The following KIF26B variants were observed in gnomAD, a reference collection of about 807,000 sequenced individuals.
KIF26B encodes kinesin family member 26B, also known as kinesin-like protein KIF26B.
KIF26B carries 63 observed loss-of-function variants against 151.2 expected under a neutral mutation model. The ratio of observed to expected loss-of-function variants is 0.42; its 90% CI spans 0.34 to 0.51. The LOEUF (loss-of-function observed/expected upper bound fraction) is 0.51. Ranked by LOEUF, KIF26B falls within the 20% of genes least tolerant of loss-of-function variation. The pLI is 0.07. For synonymous variants in KIF26B, 1,357 were observed against 1,262.1 expected (o/e 1.08, Z -1.59); for missense variants, 2,813 against 2,913.6 (o/e 0.97, Z 0.79).
At chr1:245,415,788 CT>C (rs781545952) in intron 3 of KIF26B, among the ~76,000 whole-genome samples, 1,740 of 137,862 alleles carry the variant, frequency 0.013, 10 homozygotes, top group East Asian at 0.033. Flanking sequence ...TCAGCATCTA[CT>C]TTTTTTTTTT....
At chr1:245,673,533 C>A (rs971564337) in intron 10 of KIF26B, among the ~76,000 whole-genome samples, 1 of 152,212 alleles carries the variant, frequency 6.6e-6, no homozygotes, top group East Asian at 1.9e-4. Flanking sequence ...TTAGTAAACA[C>A]GTCTTTTTGA....
At chr1:245,493,031 G>A (rs35758268) in intron 4 of KIF26B, among the ~76,000 whole-genome samples, 5,513 of 152,098 alleles carry the variant, frequency 0.036, 139 homozygotes, top group Non-Finnish European at 0.05. Flanking sequence ...CACCTGCCTC[G>A]GCTTCCCAAA....
intron 4 of KIF26B, among the ~76,000 whole-genome samples, chr1:245,466,324 G>C (rs1252591397): frequency 6.6e-6 from 1 of 152,152 alleles, no homozygotes; most frequent in Non-Finnish European, 1.5e-5. Flanking sequence ...GCAAGCAGAC[G>C]CTTCTTTTCT....
In KIF26B at chr1:245,243,883, GA is replaced by G. The variant is rs1477809183; in HGVS notation, c.465+87203del. On this transcript the variant is annotated intron_variant, in intron 2 of 14. Transcript: ENST00000407071. ...TAAAAAAGAAGAAAAAGAAAGAAAG[GA>G]AAGGAAAGGAAAGGAAAAGAAAGAT... is the stretch of plus-strand genomic sequence containing the variant. 4.6e-3 allele frequency among the ~76,000 whole-genome samples: 3 copies of G among 646 alleles called. No homozygotes were observed. In the East Asian group the frequency reaches 0.19, roughly 40 times the overall value. 0.4% of individuals were successfully genotyped at this position (646 alleles called of 152,430 possible).
intron 5 of KIF26B, among the ~76,000 whole-genome samples, chr1:245,559,506 G>A (rs1051072482): frequency 2.0e-5 from 3 of 151,992 alleles, no homozygotes; most frequent in Non-Finnish European, 2.9e-5. Flanking sequence ...CCCACCTCCC[G>A]GGTTCAAGCG....
At chr1:245,277,867 G>T (rs1430917084) in intron 2 of KIF26B, among the ~76,000 whole-genome samples, 2 of 152,216 alleles carry the variant, frequency 1.3e-5, no homozygotes, top group East Asian at 3.9e-4. Context: ...CCACAAGGAG[G>T]TATGCTGCCC....
At chr1:245,603,882 C>A (rs1183590106) in intron 6 of KIF26B, among the ~76,000 whole-genome samples, 1 of 152,162 alleles carries the variant, frequency 6.6e-6, no homozygotes, top group African/African-American at 2.4e-5. Flanking sequence ...TATTAATCTA[C>A]TATGAGCATA....
intron 5 of KIF26B, among the ~76,000 whole-genome samples, chr1:245,545,983 T>G (rs1161442790): frequency 6.6e-6 from 1 of 151,864 alleles, no homozygotes; most frequent in Non-Finnish European, 1.5e-5. Context: ...TGCATCAACA[T>G]TTTTAAAAGT....
At chr1:245,416,103 G>GTA (rs1314781843) in intron 3 of KIF26B, among the ~76,000 whole-genome samples, 4 of 93,446 alleles carry the variant, frequency 4.3e-5, no homozygotes, top group Admixed American at 3.1e-4. Context: ...CCCGTCTCTA[G>GTA]TAAAAATACA....
chr1:245,688,876 C>G (rs1558274464), intron 12 of KIF26B, 69 bp downstream of exon 12: 8 of 1,481,006 alleles, frequency 5.4e-6, no homozygotes, highest in Non-Finnish European at 7.2e-6. Context: ...AACCCCACTG[C>G]CAGGGTGTCC....
At chr1:245,673,704 C>T (rs1310066575) in intron 10 of KIF26B, 1 of 152,216 alleles carries the variant, frequency 6.6e-6, no homozygotes, top group African/African-American at 2.4e-5. Context: ...GAAACACTCA[C>T]TCACACTCAT....
rs1445634938 is a variant in KIF26B, at chr1:245,706,954, A to T, written c.*4348A>T. Reference sequence around the variant, plus strand: ...ACCTCTTTTTCCACCTCCAGAAAGTATCTGTCAACATTGGTGGGTAACAGC... The same window carrying T: ...ACCTCTTTTTCCACCTCCAGAAAGTTTCTGTCAACATTGGTGGGTAACAGC... On this transcript the variant is annotated 3_prime_UTR_variant, in exon 15 of 15. Coordinates refer to ENST00000407071, the MANE Select transcript of KIF26B (RefSeq NM_018012.4). The T allele has an allele frequency of 1.3e-5, 2 of 152,246 alleles. No individual in the cohort carries two copies. Among genetic ancestry groups the T allele is most frequent in the African/African-American group, 4.8e-5 (2 of 41,456 alleles). 9.4% of individuals were successfully genotyped at this position (152,246 alleles called of 1,614,324 possible).
intron 2 of KIF26B, among the ~76,000 whole-genome samples, chr1:245,343,116 T>C (rs185808517): frequency 1.3e-5 from 2 of 151,440 alleles, no homozygotes; most frequent in Non-Finnish European, 2.9e-5. Context: ...TAGATTAGTG[T>C]TTATTTTGGA....
At chr1:245,556,704 T>TTTTGTTG (rs201702893) in intron 5 of KIF26B, among the ~76,000 whole-genome samples, 2 of 150,612 alleles carry the variant, frequency 1.3e-5, no homozygotes, top group Non-Finnish European at 3.0e-5. Flanking sequence ...ATCTGGTGTT[T>TTTTGTTG]TTGTTGTTGT....
At chr1:245,274,288 A>G (rs972029549) in intron 2 of KIF26B, among the ~76,000 whole-genome samples, 1 of 151,980 alleles carries the variant, frequency 6.6e-6, no homozygotes, top group East Asian at 1.9e-4. Context: ...GGTTTGTTTC[A>G]TAGGTATACA....
intron 2 of KIF26B, among the ~76,000 whole-genome samples, chr1:245,220,963 G>A (rs1333039983): frequency 6.6e-6 from 1 of 152,102 alleles, no homozygotes; most frequent in Non-Finnish European, 1.5e-5. Context: ...CAGGCCCCAG[G>A]GATTACAGTG....
chr1:245,167,120 T>C lies in KIF26B; in HGVS notation c.465+10437T>C, dbSNP rs1451099543. Reference sequence around the variant, plus strand: ...AAAAGTTATTGGAACAAATTTTAGCTCTCCACACAGCATGGTTCTAAAATC... The same window carrying C: ...AAAAGTTATTGGAACAAATTTTAGCCCTCCACACAGCATGGTTCTAAAATC... On this transcript the variant is annotated intron_variant, in intron 2 of 14. Transcript: ENST00000407071. The surrounding 1 kb of genome is among the most constrained non-coding windows in gnomAD (Gnocchi z 4.2). Among the ~76,000 whole-genome samples, 1 of 152,256 alleles carries C rather than the reference T, an allele frequency of 6.6e-6. No homozygotes were observed. The highest frequency in any genetic ancestry group is 1.9e-4 in the East Asian group (1 of 5,190).
chr1:245,370,746 C>T (rs1327593691), intron 3 of KIF26B: 2 of 417,022 alleles, frequency 4.8e-6, no homozygotes, highest in Admixed American at 2.6e-5. Flanking sequence ...GCTGCTTAAA[C>T]GGCCGATTAG....
At chr1:245,641,752 T>C (rs1215336246) in intron 9 of KIF26B, among the ~76,000 whole-genome samples, 1 of 152,220 alleles carries the variant, frequency 6.6e-6, no homozygotes, top group Non-Finnish European at 1.5e-5. Flanking sequence ...CTGAGCTTCC[T>C]TAAAACTGCT....
Sources: gnomAD v4.1 joint callset for allele counts (sites outside exome capture counted in the v4.1 genomes callset) on GRCh38, gnomAD v4.1.1 for gene constraint, Gnocchi (gnomAD v3.1) non-coding constraint, MANE v1.5 for transcripts, NCBI Gene and HGNC (gene_info 2026-07-23, HGNC 2026-07-21) for gene names.